Variants in MRAS observed in about 807,000 individuals in gnomAD.
MRAS encodes ras-related protein M-Ras.
In MRAS, 4 loss-of-function variants were observed where a neutral mutation model predicts 20.9. That is an observed-to-expected ratio of 0.19 (90% CI 0.09 to 0.44). The LOEUF is 0.44. MRAS is among the 20% of genes least tolerant of loss of function. The pLI is 0.99. For missense variants in MRAS, 154 were observed against 277.5 expected, an observed-to-expected ratio of 0.56 and a Z score of 3.16; for synonymous variants, 98 against 102.9, an observed-to-expected ratio of 0.95 and a Z score of 0.29.
At chr3:138,401,926 C>T (rs114672589) in intron 5 of MRAS, among the ~76,000 whole-genome samples, 259 of 152,252 alleles carry the variant, frequency 1.7e-3, no homozygotes, top group African/African-American at 6.0e-3. Flanking sequence ...ATCAGTAGGG[C>T]GATTTAGGTT....
At chr3:138,371,770 C>T (rs986793435) in intron 1 of MRAS, among the ~76,000 whole-genome samples, 19 of 152,056 alleles carry the variant, frequency 1.2e-4, no homozygotes, top group African/African-American at 3.9e-4. Context: ...TAGGGGATCC[C>T]CCTAGCTGCA....
At chr3:138,392,422 A>G (rs2055151255) in intron 2 of MRAS, among the ~76,000 whole-genome samples, 1 of 152,174 alleles carries the variant, frequency 6.6e-6, no homozygotes, top group Non-Finnish European at 1.5e-5. Flanking sequence ...TTTGGAGATA[A>G]TTTGTTCTAT....
intron 4 of MRAS, 83 bp downstream of exon 4, chr3:138,398,651 A>C: frequency 8.4e-7 from 1 of 1,196,922 alleles, no homozygotes; most frequent in South Asian, 1.3e-5. Flanking sequence ...TGGTCTTTGG[A>C]AATGAAACTA....
At chr3:138,398,872 C>T (rs866942474) in intron 4 of MRAS, among the ~76,000 whole-genome samples, 6 of 152,184 alleles carry the variant, frequency 3.9e-5, no homozygotes, top group Non-Finnish European at 8.8e-5. Context: ...TGGTCTGAGG[C>T]CCTGGAACCT....
At chr3:138,347,837 C>T, upstream of MRAS, 1 of 152,448 alleles carries the variant, frequency 6.6e-6, no homozygotes, top group Non-Finnish European at 1.5e-5. Flanking sequence ...AGGCGATTCA[C>T]CCGCCTCGGC....
Position 138,403,167 on chromosome 3 carries a change from A to G in MRAS, c.*898A>G, listed in dbSNP as rs1394556473. 6.6e-6 allele frequency: 1 copy of G among 152,226 alleles called. No individual in the cohort carries two copies. Among genetic ancestry groups the G allele is most frequent in the Non-Finnish European group, 1.5e-5 (1 of 68,038 alleles). The allele number at this position is 152,226 out of a possible 1,614,324, so 9.4% of individuals were successfully genotyped here. Reference sequence around the variant, plus strand: ...AAACATGTTCATTTGTTTTTCAGACAGTATGGGTTAAGTTCTCTGCCCTCC... The same window carrying G: ...AAACATGTTCATTTGTTTTTCAGACGGTATGGGTTAAGTTCTCTGCCCTCC... On this transcript the variant is annotated 3_prime_UTR_variant, in exon 6 of 6. Transcript: ENST00000423968.
chr3:138,381,241 C>T (rs879744933), intron 2 of MRAS, among the ~76,000 whole-genome samples: 7 of 152,202 alleles, frequency 4.6e-5, no homozygotes, highest in African/African-American at 9.7e-5. Context: ...TTCCTTCTTT[C>T]GTCTTAGAGT....
chr3:138,394,594 C>G (rs909380364), intron 2 of MRAS, among the ~76,000 whole-genome samples: 6 of 152,200 alleles, frequency 3.9e-5, no homozygotes, highest in Non-Finnish European at 7.3e-5. Flanking sequence ...CTTCTCTTCT[C>G]TATGTCTGAC....
intron 2 of MRAS, among the ~76,000 whole-genome samples, chr3:138,375,260 T>C (rs184134533): frequency 1.2e-4 from 19 of 152,356 alleles, no homozygotes; most frequent in Admixed American, 7.8e-4. Flanking sequence ...TATTATCCTT[T>C]AATATTGTTG....
chr3:138,381,655 G>T (rs2054907349), intron 2 of MRAS, among the ~76,000 whole-genome samples: 1 of 152,210 alleles, frequency 6.6e-6, no homozygotes. Flanking sequence ...GGGGTTCTTG[G>T]GCCCAGCTCC....
chr3:138,381,747 G>A (rs1349497572), intron 2 of MRAS, among the ~76,000 whole-genome samples: 1 of 152,188 alleles, frequency 6.6e-6, no homozygotes, highest in African/African-American at 2.4e-5. Context: ...TGCACCATCA[G>A]AAGCTGGGAC....
chr3:138,362,652 G>A (rs575994059), intron 1 of MRAS, among the ~76,000 whole-genome samples: 1 of 152,282 alleles, frequency 6.6e-6, no homozygotes, highest in African/African-American at 2.4e-5. Context: ...TGGACTTGGG[G>A]CTAGGGCAGG....
chr3:138,380,838 C>T (rs972231465), intron 2 of MRAS, among the ~76,000 whole-genome samples: 2 of 149,766 alleles, frequency 1.3e-5, no homozygotes, highest in Admixed American at 1.3e-4. Flanking sequence ...GGTGTGATCT[C>T]GGCTCACTGC....
At chr3:138,401,469 G>T (rs1353976896) in intron 5 of MRAS, among the ~76,000 whole-genome samples, 2 of 152,140 alleles carry the variant, frequency 1.3e-5, no homozygotes, top group Non-Finnish European at 2.9e-5. Context: ...GTTTTTGCTG[G>T]CAGTTTTGCA....
At chr3:138,395,506 C>T (rs964431756) in intron 2 of MRAS, among the ~76,000 whole-genome samples, 3 of 152,050 alleles carry the variant, frequency 2.0e-5, no homozygotes, top group Non-Finnish European at 2.9e-5. Flanking sequence ...TTTGAGCCTT[C>T]GAATTTGTTG....
At chr3:138,349,535 G>C (rs1406674198) in intron 1 of MRAS, 2 of 152,430 alleles carry the variant, frequency 1.3e-5, no homozygotes, top group Non-Finnish European at 2.9e-5. Context: ...CTAGAGCTGA[G>C]GTCTGTTCTG....
At chr3:138,349,138 C>T (rs575789134) in intron 1 of MRAS, 1 of 151,700 alleles carries the variant, frequency 6.6e-6, no homozygotes, top group Non-Finnish European at 1.5e-5. Context: ...TTTACCCCCC[C>T]GCCTTAAGAT....
chr3:138,353,953 G>A (rs535504192), intron 1 of MRAS, among the ~76,000 whole-genome samples: 1 of 152,322 alleles, frequency 6.6e-6, no homozygotes, highest in East Asian at 1.9e-4. Context: ...AGACCGTGCT[G>A]TTCCCAGCAC....
intron 1 of MRAS, among the ~76,000 whole-genome samples, chr3:138,357,543 C>G (rs1285446571): frequency 6.6e-6 from 1 of 152,242 alleles, no homozygotes; most frequent in African/African-American, 2.4e-5. Flanking sequence ...CTTAATTCTT[C>G]CAAAGGATTT....
Sources: gnomAD v4.1 joint callset for allele counts (sites outside exome capture counted in the v4.1 genomes callset) on GRCh38, gnomAD v4.1.1 for gene constraint, MANE v1.5 for transcripts, NCBI Gene and HGNC (gene_info 2026-07-23, HGNC 2026-07-21) for gene names.